SERPINI2: variants seen among roughly 807,000 people sequenced by gnomAD.
SERPINI2 encodes serpin family I member 2, also known as serpin I2.
A neutral mutation model predicts 47.3 loss-of-function variants in SERPINI2; 48 were observed. The observed-to-expected ratio is 1.02, with a 90% CI of 0.81 to 1.29. SERPINI2 has a LOEUF of 1.29. Among genes scored for constraint, SERPINI2 ranks in the 50% most tolerant of loss-of-function variants. The probability of loss-of-function intolerance (pLI) is 0.00; values close to 1 mark genes in which losing one functional copy is unlikely to be tolerated. For missense variants in SERPINI2, 448 were observed against 456.9 expected, an observed-to-expected ratio of 0.98 and a Z score of 0.18; for synonymous variants, 135 against 149.3, an observed-to-expected ratio of 0.90 and a Z score of 0.70.
At chr3:167,471,266 T>C (rs1750309159) in intron 2 of SERPINI2, among the ~76,000 whole-genome samples, 1 of 152,038 alleles carries the variant, frequency 6.6e-6, no homozygotes, top group African/African-American at 2.4e-5. Flanking sequence ...TTTATGAGTA[T>C]GTACATACAC....
intron 2 of SERPINI2, among the ~76,000 whole-genome samples, chr3:167,470,550 C>CTTGTTTTT (rs1750277158): frequency 1.1e-5 from 1 of 93,048 alleles, no homozygotes; most frequent in African/African-American, 5.7e-5. Context: ...TGAGCAACAA[C>CTTGTTTTT]TTTTTTTTTT....
chr3:167,458,521 T>G (rs763095093), intron 5 of SERPINI2, among the ~76,000 whole-genome samples: 20 of 151,562 alleles, frequency 1.3e-4, no homozygotes, highest in Non-Finnish European at 2.4e-4. Context: ...CTCGGCCTCC[T>G]AAAGTGCCGG....
intron 1 of SERPINI2, among the ~76,000 whole-genome samples, chr3:167,472,547 G>C (rs1388941768): frequency 6.6e-6 from 1 of 151,782 alleles, no homozygotes; most frequent in Non-Finnish European, 1.5e-5. Context: ...CCAAACCTTA[G>C]TGTCAGGCCA....
At chr3:167,474,964 A>G (rs1750446807), upstream of SERPINI2, among the ~76,000 whole-genome samples, 1 of 151,774 alleles carries the variant, frequency 6.6e-6, no homozygotes, top group African/African-American at 2.4e-5. Flanking sequence ...AAGTGAATAT[A>G]GATAGCTTTA....
At chr3:167,475,734 G>GGGGGA, upstream of SERPINI2, among the ~76,000 whole-genome samples, 1 of 148,412 alleles carries the variant, frequency 6.7e-6, no homozygotes, top group African/African-American at 2.5e-5. Flanking sequence ...GGGGTGGGGG[G>GGGGGA]AGAATTATTC....
At chr3:167,459,925 A>G (rs537884699) in intron 5 of SERPINI2, among the ~76,000 whole-genome samples, 10 of 152,300 alleles carry the variant, frequency 6.6e-5, no homozygotes, top group African/African-American at 2.4e-4. Context: ...ACAGATGGCT[A>G]CATGACAACA....
At chr3:167,449,325 T>C (rs960525256) in exon 7 of SERPINI2, 1 of 1,611,496 alleles carries the variant, frequency 6.2e-7, no homozygotes, top group Non-Finnish European at 8.5e-7. Context: ...CCAGTTGATG[T>C]TGCAGCTTCA....
At chr3:167,470,256 A>G (rs1243188476) in intron 2 of SERPINI2, among the ~76,000 whole-genome samples, 1 of 152,210 alleles carries the variant, frequency 6.6e-6, no homozygotes, top group African/African-American at 2.4e-5. Context: ...ATTTGCAAAG[A>G]AAAATTCTTA....
intron 5 of SERPINI2, among the ~76,000 whole-genome samples, chr3:167,460,694 C>T (rs1639001603): frequency 6.6e-6 from 1 of 151,960 alleles, no homozygotes; most frequent in African/African-American, 2.4e-5. Flanking sequence ...TTTCATGATG[C>T]TATATGTATG....
chr3:167,454,590 T>C (rs978210411), intron 5 of SERPINI2, among the ~76,000 whole-genome samples: 1 of 152,188 alleles, frequency 6.6e-6, no homozygotes, highest in African/African-American at 2.4e-5. Context: ...TGGGCTATAA[T>C]AGTCCAATAA....
At chr3:167,470,068 A>C (rs528903469) in intron 2 of SERPINI2, among the ~76,000 whole-genome samples, 5 of 152,252 alleles carry the variant, frequency 3.3e-5, no homozygotes, top group African/African-American at 9.6e-5. Context: ...TCTCTATATC[A>C]TGTATCCATT....
exon 3 of SERPINI2, chr3:167,467,072 A>G: frequency 6.2e-7 from 1 of 1,608,894 alleles, no homozygotes; most frequent in Non-Finnish European, 8.5e-7. Context: ...TTTTCTTTCT[A>G]CCCAGGTACT....
intron 7 of SERPINI2, chr3:167,446,720 GAAGC>G: frequency 3.9e-6 from 1 of 256,470 alleles, no homozygotes; most frequent in Non-Finnish European, 7.3e-6. Context: ...GCTCAATGAA[GAAGC>G]AAGCCAGATA....
chr3:167,467,008 A>G (rs1750152152), intron 3 of SERPINI2, 47 bp downstream of exon 3: 1 of 1,399,028 alleles, frequency 7.1e-7, no homozygotes, highest in South Asian at 1.2e-5. Flanking sequence ...ATTAAAAACC[A>G]TGAATACAAT....
chr3:167,442,038 C>A (rs1749342842), exon 9 of SERPINI2: 2 of 1,203,550 alleles, frequency 1.7e-6, no homozygotes, highest in South Asian at 1.4e-5. Flanking sequence ...CAAATATTGT[C>A]AAGATGACGA....
At chr3:167,469,779 A>G (rs1327919009) in intron 2 of SERPINI2, among the ~76,000 whole-genome samples, 1 of 152,190 alleles carries the variant, frequency 6.6e-6, no homozygotes, top group East Asian at 1.9e-4. Context: ...TAATATTCTT[A>G]TTAATATATT....
At chr3:167,455,593 C>CAAAAA (rs11407272) in intron 5 of SERPINI2, among the ~76,000 whole-genome samples, 4 of 123,218 alleles carry the variant, frequency 3.2e-5, no homozygotes, top group Non-Finnish European at 5.2e-5. Context: ...ATACGAGTCT[C>CAAAAA]AAAAAAAAAA....
intron 5 of SERPINI2, among the ~76,000 whole-genome samples, chr3:167,455,810 A>T (rs1475342184): frequency 6.6e-6 from 1 of 152,102 alleles, no homozygotes; most frequent in African/African-American, 2.4e-5. Flanking sequence ...CTGGAATAGG[A>T]GGAAGAGAAA....
intron 6 of SERPINI2, 127 bp from the exon 7 acceptor site, chr3:167,449,529 C>T: frequency 2.4e-6 from 1 of 425,522 alleles, no homozygotes; most frequent in Non-Finnish European, 3.9e-6. Context: ...GAGTCTTGCT[C>T]TGTCACCCAG....
Sources: allele counts gnomAD v4.1 joint callset (sites outside exome capture counted in the v4.1 genomes callset), GRCh38; gene constraint gnomAD v4.1.1; transcripts MANE v1.5; gene names NCBI Gene and HGNC (gene_info 2026-07-23, HGNC 2026-07-21).